FARS2: variants seen among roughly 807,000 people sequenced by gnomAD.
FARS2 encodes the protein phenylalanine--tRNA ligase, mitochondrial.
In FARS2, 40 loss-of-function variants were observed where a neutral mutation model predicts 46.4. That is an observed-to-expected ratio of 0.86 (90% CI 0.67 to 1.12). FARS2 has a LOEUF of 1.12. Ranked by LOEUF, FARS2 falls within the 50% of genes most tolerant of loss-of-function variation. The probability of loss-of-function intolerance (pLI) is 0.00; values close to 1 mark genes in which losing one functional copy is unlikely to be tolerated. For missense variants in FARS2, 513 were observed against 567.9 expected, an observed-to-expected ratio of 0.90 and a Z score of 0.98; for synonymous variants, 234 against 214.9, an observed-to-expected ratio of 1.09 and a Z score of -0.78.
At position 5,513,040 on chromosome 6, in the gene FARS2, G is replaced by T. The variant is rs554907658; in HGVS notation, c.905-32140G>T. On this transcript the variant is annotated intron_variant, in intron 4 of 6. Transcript: ENST00000274680. ...GCAGATGCGTGGGTTGGGTTGGAGA[G>T]GGGTGGATGGCAGGCTGGAAAACCT... Among the ~76,000 whole-genome samples the T allele has an allele frequency of 3.9e-5, 6 of 152,300 alleles. No individual in the cohort carries two copies. In the South Asian group the frequency reaches 1.0e-3, roughly 26 times the overall value.
intron 1 of FARS2, among the ~76,000 whole-genome samples, chr6:5,317,050 C>T (rs942306620): frequency 6.6e-6 from 1 of 152,194 alleles, no homozygotes; most frequent in African/African-American, 2.4e-5. Context: ...CTCGCCTCCA[C>T]ATCAGTTAGG....
At chr6:5,419,671 C>G (rs995050618) in intron 3 of FARS2, among the ~76,000 whole-genome samples, 1 of 152,170 alleles carries the variant, frequency 6.6e-6, no homozygotes, top group African/African-American at 2.4e-5. Flanking sequence ...AGGCCTATGG[C>G]TTGGATCCCT....
intron 6 of FARS2, among the ~76,000 whole-genome samples, chr6:5,724,106 A>G (rs975550288): frequency 3.4e-4 from 52 of 152,122 alleles, no homozygotes; most frequent in African/African-American, 1.2e-3. Flanking sequence ...TTTTCCCCAC[A>G]CTGCATGGTT....
chr6:5,444,204 C>G (rs1764008749), intron 4 of FARS2, among the ~76,000 whole-genome samples: 1 of 151,874 alleles, frequency 6.6e-6, no homozygotes, highest in Non-Finnish European at 1.5e-5. Flanking sequence ...TGCAATGGCT[C>G]AAGCCTGTAA....
intron 6 of FARS2, among the ~76,000 whole-genome samples, chr6:5,685,867 T>C (rs1387728763): frequency 6.6e-6 from 1 of 152,148 alleles, no homozygotes; most frequent in Non-Finnish European, 1.5e-5. Flanking sequence ...GTGAGAAAAC[T>C]CTCCTTGTAT....
At chr6:5,688,701 T>C (rs1247702361) in intron 6 of FARS2, among the ~76,000 whole-genome samples, 1 of 152,230 alleles carries the variant, frequency 6.6e-6, no homozygotes, top group Non-Finnish European at 1.5e-5. Context: ...GGTATCAGGA[T>C]GATGCTGGCC....
At chr6:5,381,459 G>A (rs899627523) in intron 2 of FARS2, among the ~76,000 whole-genome samples, 1 of 150,888 alleles carries the variant, frequency 6.6e-6, no homozygotes, top group African/African-American at 2.4e-5. Flanking sequence ...GGGTTTTATA[G>A]GCTTATTAGT....
At chr6:5,433,594 C>T (rs897985555) in intron 4 of FARS2, among the ~76,000 whole-genome samples, 2 of 152,190 alleles carry the variant, frequency 1.3e-5, no homozygotes, top group African/African-American at 4.8e-5. Context: ...ATCAGCCTAA[C>T]AGTTGTATGT....
At chr6:5,319,782 C>T (rs773736130) in intron 1 of FARS2, among the ~76,000 whole-genome samples, 5 of 152,016 alleles carry the variant, frequency 3.3e-5, no homozygotes, top group Non-Finnish European at 7.4e-5. Context: ...CTTTCTGTTA[C>T]CTGACTTGGA....
chr6:5,771,200 T>G, intron 6 of FARS2, 91 bp from the exon 7 acceptor site: 1 of 1,441,390 alleles, frequency 6.9e-7, no homozygotes, highest in Non-Finnish European at 9.6e-7. Context: ...TCCACTGCAG[T>G]TGGGGAGATC....
chr6:5,428,291 A>G (rs1307707811), intron 3 of FARS2, among the ~76,000 whole-genome samples: 1 of 152,036 alleles, frequency 6.6e-6, no homozygotes, highest in Non-Finnish European at 1.5e-5. Context: ...TATTTAACCT[A>G]TCCAAAATGA....
chr6:5,573,906 G>C (rs1262922617), intron 5 of FARS2, among the ~76,000 whole-genome samples: 1 of 152,146 alleles, frequency 6.6e-6, no homozygotes, highest in African/African-American at 2.4e-5. Flanking sequence ...TCTCAGGGAA[G>C]TAGAACATTT....
chr6:5,655,460 T>C (rs1464411050), intron 6 of FARS2, among the ~76,000 whole-genome samples: 1 of 152,224 alleles, frequency 6.6e-6, no homozygotes, highest in Non-Finnish European at 1.5e-5. Context: ...GCAGATCAGA[T>C]GCCTGAAATC....
intron 6 of FARS2, among the ~76,000 whole-genome samples, chr6:5,719,450 G>GAA (rs1759741243): frequency 1.3e-5 from 2 of 149,956 alleles, no homozygotes; most frequent in Non-Finnish European, 3.0e-5. Flanking sequence ...AAGAGAGAAA[G>GAA]AGATAAAGAA....
intron 6 of FARS2, among the ~76,000 whole-genome samples, chr6:5,691,701 T>A (rs1486846055): frequency 6.6e-6 from 1 of 152,206 alleles, no homozygotes; most frequent in Admixed American, 6.5e-5. Flanking sequence ...GGAGAACCAC[T>A]GCTCTCTTCA....
At chr6:5,289,045 T>A (rs1383885816) in intron 1 of FARS2, among the ~76,000 whole-genome samples, 1 of 152,214 alleles carries the variant, frequency 6.6e-6, no homozygotes, top group African/African-American at 2.4e-5. Context: ...AGCATGCCCT[T>A]AGAGTGGGAG....
At chr6:5,542,491 G>A (rs1222160702) in intron 4 of FARS2, among the ~76,000 whole-genome samples, 1 of 152,124 alleles carries the variant, frequency 6.6e-6, no homozygotes. Flanking sequence ...TCTGTTTCAT[G>A]TTTTGGGTTG....
intron 6 of FARS2, among the ~76,000 whole-genome samples, chr6:5,645,811 G>A (rs1406376226): frequency 6.6e-6 from 1 of 152,194 alleles, no homozygotes. Context: ...AATTGCACGG[G>A]CCTCATATGT....
At chr6:5,262,477 C>G (rs1765240121) in intron 1 of FARS2, among the ~76,000 whole-genome samples, 1 of 152,078 alleles carries the variant, frequency 6.6e-6, no homozygotes, top group South Asian at 2.1e-4. Flanking sequence ...CAGGGTTTCA[C>G]CATGTTGGTC....
Sources: gnomAD v4.1 joint callset for allele counts (sites outside exome capture counted in the v4.1 genomes callset) on GRCh38, gnomAD v4.1.1 for gene constraint, MANE v1.5 for transcripts, NCBI Gene and HGNC (gene_info 2026-07-23, HGNC 2026-07-21) for gene names.